BCL11A: variants seen among roughly 807,000 people sequenced by gnomAD.
BCL11A encodes the protein BCL11 transcription factor A.
A neutral mutation model predicts 55.9 loss-of-function variants in BCL11A; 2 were observed. The observed-to-expected ratio is 0.04, with a 90% CI of 0.01 to 0.11. The LOEUF is 0.11. Among genes scored for constraint, BCL11A ranks in the 10% least tolerant of loss-of-function variants. The pLI is 1.00. For synonymous variants in BCL11A, 465 were observed against 473.4 expected, an observed-to-expected ratio of 0.98 and a Z score of 0.23; for missense variants, 817 against 1,137.1, an observed-to-expected ratio of 0.72 and a Z score of 4.05.
downstream of BCL11A, chr2:60,450,672 A>T (rs894586156): frequency 6.6e-6 from 1 of 152,268 alleles, no homozygotes; most frequent in East Asian, 1.9e-4. Flanking sequence ...TCTTTATGAA[A>T]TAACTTCTTG....
downstream of BCL11A, chr2:60,452,430 G>A: frequency 1.5e-6 from 1 of 677,414 alleles, no homozygotes; most frequent in Non-Finnish European, 2.6e-6. Context: ...GCCTAGGCTG[G>A]AAGGACTCTG....
chr2:60,473,841 G>A (rs147722083), intron 2 of BCL11A, among the ~76,000 whole-genome samples: 4 of 152,178 alleles, frequency 2.6e-5, no homozygotes, highest in Admixed American at 6.5e-5. Context: ...TGTCAAAATC[G>A]CACTCTCTTT....
chr2:60,489,150 C>A (rs1176980287), intron 2 of BCL11A, among the ~76,000 whole-genome samples: 1 of 152,116 alleles, frequency 6.6e-6, no homozygotes, highest in Non-Finnish European at 1.5e-5. Flanking sequence ...TACCTTAGAC[C>A]CCAATTAAAC....
In BCL11A at chr2:60,510,853, G is replaced by A. The variant is rs141869541; in HGVS notation, c.385+35118C>T. Among the ~76,000 whole-genome samples, 210 of 152,340 alleles carry A rather than the reference G, an allele frequency of 1.4e-3. 1 individual carries two copies. The highest frequency in any genetic ancestry group is 4.9e-3 in the African/African-American group (204 of 41,584). On this transcript the variant is annotated intron_variant, in intron 2 of 3. Transcript: ENST00000642384. Reference sequence around the variant, plus strand: ...ATTCCATTTTCCCCACAGGCCCTGAGACCCACAGGGAAGAGCTTTTGCATT... The same window carrying A: ...ATTCCATTTTCCCCACAGGCCCTGAAACCCACAGGGAAGAGCTTTTGCATT...
rs1262721986 is a variant in BCL11A at position 60,460,976 on chromosome 2, G to T, written c.1936C>A (p.Pro646Thr). Residue 646 changes from proline to threonine, a missense_variant, in exon 4 of 4, where the codon CCG (proline) becomes ACG (threonine). Physicochemically the swap from Pro to Thr is conservative, Grantham distance 38. Transcript: ENST00000642384. ...TTCTCCGTGTTGGGCATCGCGGCCG[G>T]GGGCAGGTCGAACTCCTTCTCGAGC... ...IKLEKEFDLP[P>T]AAMPNTENVY... is the part of the protein sequence containing the mutation. The T allele has an allele frequency of 1.2e-6, 2 of 1,609,990 alleles. No homozygotes were observed. Among genetic ancestry groups the T allele is most frequent in the Non-Finnish European group, 1.7e-6 (2 of 1,177,922 alleles).
At chr2:60,467,090 G>GTA (rs1391418637) in intron 3 of BCL11A, among the ~76,000 whole-genome samples, 1 of 147,322 alleles carries the variant, frequency 6.8e-6, no homozygotes, top group Non-Finnish European at 1.5e-5. Context: ...GGTGGTGGTG[G>GTA]TGGTGATGAT....
intron 2 of BCL11A, among the ~76,000 whole-genome samples, chr2:60,499,326 G>A (rs1018551937): frequency 6.6e-6 from 1 of 152,162 alleles, no homozygotes; most frequent in African/African-American, 2.4e-5. Context: ...CACAGTGCTG[G>A]AGGCTGAAGT....
intron 2 of BCL11A, chr2:60,528,657 C>G (rs1392371493): frequency 3.2e-4 from 49 of 152,276 alleles, no homozygotes; most frequent in African/African-American, 1.2e-3. Flanking sequence ...GGGTGGCGGC[C>G]GCAGGCCAAA....
intron 2 of BCL11A, chr2:60,536,668 T>C (rs1669681676): frequency 6.6e-6 from 1 of 152,240 alleles, no homozygotes; most frequent in Non-Finnish European, 1.5e-5. Flanking sequence ...TTTTCCCTAT[T>C]AGAGCGTTTG....
chr2:60,478,130 AATTTTTGT>A (rs1382710011), intron 2 of BCL11A: 1 of 151,964 alleles, frequency 6.6e-6, no homozygotes, highest in Non-Finnish European at 1.5e-5. Context: ...ACACCTGGCT[AATTTTTGT>A]ATTTTTTGTA....
intron 3 of BCL11A, among the ~76,000 whole-genome samples, chr2:60,464,727 T>C (rs959612547): frequency 6.6e-6 from 1 of 152,234 alleles, no homozygotes; most frequent in African/African-American, 2.4e-5. Flanking sequence ...ATCTCATTTG[T>C]ATCCTTTCAA....
At chr2:60,521,944 A>T (rs567889268) in intron 2 of BCL11A, 3 of 152,360 alleles carry the variant, frequency 2.0e-5, no homozygotes, top group Non-Finnish European at 2.9e-5. Context: ...ACAGACCCTT[A>T]AATGACCCCT....
At chr2:60,549,548 G>A (rs1162244606) in intron 1 of BCL11A, among the ~76,000 whole-genome samples, 1 of 152,224 alleles carries the variant, frequency 6.6e-6, no homozygotes, top group East Asian at 1.9e-4. Flanking sequence ...GAGGCACAAA[G>A]CGAGCAGCGT....
At chr2:60,477,604 T>TAAAGAAAGAAAGAAAG (rs60443237) in intron 2 of BCL11A, among the ~76,000 whole-genome samples, 2 of 150,508 alleles carry the variant, frequency 1.3e-5, no homozygotes, top group Non-Finnish European at 3.0e-5. Context: ...GTAAAATAAA[T>TAAAGAAAGAAAGAAAG]AAAGAAAGAA....
chr2:60,467,852 C>G (rs1355047285), intron 3 of BCL11A, among the ~76,000 whole-genome samples: 28 of 46,640 alleles, frequency 6.0e-4, no homozygotes, highest in South Asian at 4.3e-3. Flanking sequence ...GGTGATGCTA[C>G]TGGTGGTGAT....
intron 1 of BCL11A, among the ~76,000 whole-genome samples, chr2:60,547,303 C>T (rs1670199594): frequency 6.6e-6 from 1 of 152,092 alleles, no homozygotes; most frequent in Admixed American, 6.5e-5. Flanking sequence ...CTCCAAAATG[C>T]TTCATTATGA....
Position 60,457,982 on chromosome 2 carries a change from T to C in BCL11A, c.*2422A>G. 1 of 1,036,648 alleles carries C rather than the reference T, an allele frequency of 9.6e-7. No individual in the cohort carries two copies. The highest frequency in any genetic ancestry group is 1.7e-5 in the African/African-American group (1 of 59,382). The allele number at this position is 1,036,648 out of a possible 1,614,324, so 64.2% of individuals were successfully genotyped here. ...TTTTTTTTTTGAAGCATACAAATAA[T>C]TTGCACTATATTATCCTGCCAAATT... is the stretch of plus-strand genomic sequence containing the variant. On this transcript the variant is annotated 3_prime_UTR_variant, in exon 4 of 4. Transcript: ENST00000642384.
intron 2 of BCL11A, among the ~76,000 whole-genome samples, chr2:60,498,509 C>A (rs1330182344): frequency 6.6e-6 from 1 of 152,244 alleles, no homozygotes; most frequent in Non-Finnish European, 1.5e-5. Context: ...ACCAGGAAGG[C>A]AATGGGCTGC....
At chr2:60,485,604 T>A (rs1022492021) in intron 2 of BCL11A, among the ~76,000 whole-genome samples, 1 of 152,294 alleles carries the variant, frequency 6.6e-6, no homozygotes, top group African/African-American at 2.4e-5. Flanking sequence ...AAACCCTCCA[T>A]CCAACGTCAC....
Sources: allele counts gnomAD v4.1 joint callset (sites outside exome capture counted in the v4.1 genomes callset), GRCh38; gene constraint gnomAD v4.1.1; transcripts MANE v1.5; gene names NCBI Gene and HGNC (gene_info 2026-07-23, HGNC 2026-07-21).